PBRM1: variants seen among roughly 807,000 people sequenced by gnomAD.
The protein encoded by PBRM1 is protein polybromo-1.
In PBRM1, 27 loss-of-function variants were observed where a neutral mutation model predicts 194.5. The ratio of observed to expected loss-of-function variants is 0.14; its 90% CI spans 0.10 to 0.19. PBRM1 has a LOEUF of 0.19. Ranked by LOEUF, PBRM1 falls within the 10% of genes least tolerant of loss-of-function variation. The pLI, the probability that PBRM1 is intolerant of heterozygous loss-of-function variation, is 1.00. For synonymous variants in PBRM1, 655 were observed against 693.2 expected (o/e 0.94, Z 0.87); for missense variants, 1,466 against 2,077.2 (o/e 0.71, Z 5.72).
intron 7 of PBRM1, among the ~76,000 whole-genome samples, chr3:52,646,538 T>C (rs1364061555): frequency 6.6e-6 from 1 of 152,174 alleles, no homozygotes; most frequent in African/African-American, 2.4e-5. Context: ...AAGTCTGGCA[T>C]AAGGACAGAA....
At chr3:52,653,984 A>G (rs2096560920) in intron 5 of PBRM1, among the ~76,000 whole-genome samples, 1 of 152,256 alleles carries the variant, frequency 6.6e-6, no homozygotes, top group Non-Finnish European at 1.5e-5. Context: ...AAGAAATTGA[A>G]CATGTTGAGG....
chr3:52,617,199 TTATTC>T, intron 14 of PBRM1, 58 bp downstream of exon 16: 6 of 1,367,282 alleles, frequency 4.4e-6, no homozygotes, highest in Non-Finnish European at 5.0e-6. Flanking sequence ...TCAAAATGCA[TTATTC>T]TATAAGTACC....
At chr3:52,610,829 C>T (rs2094568206) in intron 15 of PBRM1, among the ~76,000 whole-genome samples, 1 of 152,050 alleles carries the variant, frequency 6.6e-6, no homozygotes, top group Non-Finnish European at 1.5e-5. Context: ...ATCCCAGTTA[C>T]TCGGGAGGCT....
At chr3:52,645,483 A>T (rs1036416211) in intron 7 of PBRM1, among the ~76,000 whole-genome samples, 3 of 151,120 alleles carry the variant, frequency 2.0e-5, no homozygotes, top group Admixed American at 2.0e-4. Context: ...TTCTTACTGT[A>T]GATCTTAGCA....
chr3:52,556,003 C>A (rs1234042229), intron 26 of PBRM1, among the ~76,000 whole-genome samples: 1 of 152,120 alleles, frequency 6.6e-6, no homozygotes, highest in East Asian at 1.9e-4. Context: ...AATGCAGTCA[C>A]CTTTGGTCAC....
At chr3:52,662,642 A>G (rs1270627658) in intron 3 of PBRM1, among the ~76,000 whole-genome samples, 3 of 152,170 alleles carry the variant, frequency 2.0e-5, no homozygotes, top group Admixed American at 6.5e-5. Flanking sequence ...CCTGGCCAAC[A>G]TGGTGAAACC....
intron 6 of PBRM1, among the ~76,000 whole-genome samples, chr3:52,650,112 A>T (rs62253740): frequency 0.45 from 68,877 of 151,554 alleles, 15,970 homozygotes; most frequent in African/African-American, 0.52. Context: ...TATAATCTCT[A>T]TGCACTTTGG....
chr3:52,590,979 C>T (rs2153818316), intron 17 of PBRM1, among the ~76,000 whole-genome samples: 1 of 152,246 alleles, frequency 6.6e-6, no homozygotes, highest in African/African-American at 2.4e-5. Context: ...CTTTCACCTC[C>T]CTGGTTAGCT....
chr3:52,647,317 T>C (rs577014347), intron 7 of PBRM1, among the ~76,000 whole-genome samples: 2 of 150,206 alleles, frequency 1.3e-5, no homozygotes, highest in East Asian at 3.9e-4. Flanking sequence ...ATATTGCTGG[T>C]GGGAATGTAA....
chr3:52,628,627 G>A (rs1470235186), intron 12 of PBRM1, among the ~76,000 whole-genome samples: 14 of 151,608 alleles, frequency 9.2e-5, no homozygotes. Flanking sequence ...TGTGCCATCA[G>A]GACTGGCTAA....
At chr3:52,636,593 T>C (rs967551541) in intron 10 of PBRM1, among the ~76,000 whole-genome samples, 1 of 150,356 alleles carries the variant, frequency 6.7e-6, no homozygotes, top group Non-Finnish European at 1.5e-5. Flanking sequence ...CCGTCTCTAC[T>C]AAAAATAAAA....
upstream of PBRM1, among the ~76,000 whole-genome samples, chr3:52,680,736 C>T (rs1238847627): frequency 1.3e-5 from 2 of 152,084 alleles, no homozygotes; most frequent in African/African-American, 2.4e-5. Flanking sequence ...CTGCTCACTG[C>T]AACCTCCCTC....
At chr3:52,602,989 A>C (rs2094111482) in intron 17 of PBRM1, among the ~76,000 whole-genome samples, 1 of 152,222 alleles carries the variant, frequency 6.6e-6, no homozygotes, top group African/African-American at 2.4e-5. Flanking sequence ...TCCAATTTGT[A>C]ATCATAAGGT....
At chr3:52,621,258 C>T (rs1427464576) in intron 13 of PBRM1, among the ~76,000 whole-genome samples, 1 of 152,152 alleles carries the variant, frequency 6.6e-6, no homozygotes, top group African/African-American at 2.4e-5. Context: ...CTCCCAGGTT[C>T]ACACCATTCT....
intron 16 of PBRM1, among the ~76,000 whole-genome samples, chr3:52,606,195 A>C (rs989837339): frequency 2.6e-5 from 4 of 151,956 alleles, no homozygotes; most frequent in African/African-American, 9.7e-5. Flanking sequence ...AGTAGAGCTA[A>C]GGAAGGTCTT....
intron 22 of PBRM1, among the ~76,000 whole-genome samples, chr3:52,575,745 C>T (rs546059598): frequency 6.7e-6 from 1 of 149,190 alleles, no homozygotes; most frequent in Admixed American, 6.7e-5. Context: ...AACTCTCGAC[C>T]TTAGGTGATC....
At chr3:52,576,844 T>C (rs552445644) in intron 21 of PBRM1, 146 bp from the exon 24 acceptor site, 75 of 501,920 alleles carry the variant, frequency 1.5e-4, no homozygotes, top group African/African-American at 1.5e-3. Flanking sequence ...ACTTCATTAA[T>C]TTTTTCCCCC....
At chr3:52,633,527 G>A (rs2095691994) in intron 11 of PBRM1, among the ~76,000 whole-genome samples, 2 of 152,066 alleles carry the variant, frequency 1.3e-5, no homozygotes, top group Non-Finnish European at 2.9e-5. Flanking sequence ...GGGTACATAT[G>A]CAAAATGGAA....
chr3:52,651,983 T>C (rs1030042349), intron 5 of PBRM1, among the ~76,000 whole-genome samples, 173 bp from the exon 7 acceptor site: 3 of 152,204 alleles, frequency 2.0e-5, no homozygotes, highest in Non-Finnish European at 4.4e-5. Flanking sequence ...CATAAAGAAT[T>C]TAATCTTAAG....
Sources: allele counts gnomAD v4.1 joint callset (sites outside exome capture counted in the v4.1 genomes callset), GRCh38; gene constraint gnomAD v4.1.1; transcripts MANE v1.5; gene names NCBI Gene and HGNC (gene_info 2026-07-23, HGNC 2026-07-21).